CA1: variants seen among roughly 807,000 people sequenced by gnomAD.
CA1 encodes the protein carbonate dehydratase I.
CA1 carries 27 observed loss-of-function variants against 28.8 expected under a neutral mutation model. The ratio of observed to expected loss-of-function variants is 0.94; its 90% CI spans 0.69 to 1.29. The LOEUF is 1.29. Among genes scored for constraint, CA1 ranks in the 50% most tolerant of loss-of-function variants. CA1 has a pLI of 0.00. For synonymous variants in CA1, 121 were observed against 108.8 expected (o/e 1.11, Z -0.70); for missense variants, 335 against 310.5 (o/e 1.08, Z -0.59).
intron 1 of CA1, among the ~76,000 whole-genome samples, chr8:85,371,833 C>A (rs753207904): frequency 6.6e-6 from 1 of 152,128 alleles, no homozygotes; most frequent in Non-Finnish European, 1.5e-5. Context: ...CACTGAGGAA[C>A]TTTTGAACTT....
intron 1 of CA1, among the ~76,000 whole-genome samples, chr8:85,358,415 T>A (rs1809679842): frequency 6.6e-6 from 1 of 152,180 alleles, no homozygotes; most frequent in Non-Finnish European, 1.5e-5. Context: ...TCTTTTCTAG[T>A]TTTGCATGTA....
rs575578677 is a variant in CA1, at chr8:85,375,673, G to A, written c.-25+2373C>T. Among the ~76,000 whole-genome samples, 10 of 152,318 alleles carry A rather than the reference G, an allele frequency of 6.6e-5. No individual in the cohort carries two copies. The East Asian group carries it at 1.9e-3, about 29-fold the overall frequency. ...AGAGGAATAAAATCCAGAGCACGGAGAAAGTTCAGATAAGATGGATGAACC... is the reference window on the plus strand; with the variant it reads ...AGAGGAATAAAATCCAGAGCACGGAAAAAGTTCAGATAAGATGGATGAACC... On this transcript the variant is annotated intron_variant, in intron 1 of 7. Coordinates refer to ENST00000523022, the MANE Select transcript of CA1 (RefSeq NM_001128831.4).
chr8:85,341,526 ATACT>A, intron 2 of CA1, 69 bp downstream of exon 2: 8 of 908,516 alleles, frequency 8.8e-6, no homozygotes, highest in Non-Finnish European at 9.3e-6. Flanking sequence ...ATTATTTTAA[ATACT>A]TAATATCTTT....
intron 2 of CA1, 104 bp downstream of exon 2, chr8:85,341,495 C>A: frequency 2.6e-6 from 2 of 781,736 alleles, no homozygotes; most frequent in Non-Finnish European, 4.6e-6. Context: ...GACAGTTCAA[C>A]AATTAACCTA....
intron 1 of CA1, among the ~76,000 whole-genome samples, chr8:85,357,675 G>T (rs1005415435): frequency 1.2e-4 from 19 of 152,254 alleles, no homozygotes; most frequent in African/African-American, 4.6e-4. Flanking sequence ...AGGCCCCAAA[G>T]CTTTGTCTCT....
chr8:85,329,904 A>G (rs1808332862), intron 6 of CA1, 60 bp from the exon 7 acceptor site: 1 of 1,225,552 alleles, frequency 8.2e-7, no homozygotes, highest in Non-Finnish European at 1.2e-6. Context: ...AATATATGTG[A>G]CATATATATG....
chr8:85,350,012 C>T (rs1809345383), intron 1 of CA1: 1 of 152,168 alleles, frequency 6.6e-6, no homozygotes, highest in South Asian at 2.1e-4. Context: ...CTTCCTGATC[C>T]TGTTTCCTTT....
chr8:85,353,518 G>A (rs1045174860), intron 1 of CA1, among the ~76,000 whole-genome samples: 3 of 152,074 alleles, frequency 2.0e-5, no homozygotes, highest in Non-Finnish European at 4.4e-5. Flanking sequence ...AATACATACT[G>A]TATACGCTTT....
intron 1 of CA1, among the ~76,000 whole-genome samples, chr8:85,372,662 C>T (rs1276925964): frequency 1.3e-5 from 2 of 152,176 alleles, no homozygotes; most frequent in East Asian, 3.9e-4. Context: ...TCCTCTGTTT[C>T]AGTTATGTAT....
rs533792830 is a variant in CA1 at position 85,367,592 on chromosome 8, C to T, written c.-25+10454G>A. On this transcript the variant is annotated intron_variant, in intron 1 of 7. Transcript: ENST00000523022. ...TGCATCAGAGGGCTTTGTTAAAATA[C>T]AGATTGCCCAGCCTCACCTTCAGAG... Among the ~76,000 whole-genome samples, 5 of 152,340 alleles carry T rather than the reference C, an allele frequency of 3.3e-5. No homozygotes were observed. The East Asian group carries it at 9.6e-4, about 29-fold the overall frequency.
intron 1 of CA1, chr8:85,343,088 A>C (rs1808992854): frequency 6.6e-6 from 1 of 152,130 alleles, no homozygotes; most frequent in African/African-American, 2.4e-5. Context: ...CTGTGCTAAA[A>C]ACTTTACGTA....
intron 1 of CA1, among the ~76,000 whole-genome samples, chr8:85,350,709 G>A (rs764259804): frequency 2.6e-5 from 4 of 152,106 alleles, no homozygotes; most frequent in Admixed American, 6.6e-5. Context: ...CCCCAGGTTC[G>A]AGTCAATAAC....
intron 1 of CA1, among the ~76,000 whole-genome samples, chr8:85,347,335 A>G (rs149621837): frequency 6.6e-6 from 1 of 152,310 alleles, no homozygotes; most frequent in East Asian, 1.9e-4. Flanking sequence ...TAGATGATCA[A>G]CAAATAAGCT....
intron 1 of CA1, chr8:85,349,728 A>G (rs1809334052): frequency 6.6e-6 from 1 of 152,156 alleles, no homozygotes. Flanking sequence ...ATTTCTGTGG[A>G]GAGACCAAGC....
At position 85,339,027 on chromosome 8, in the gene CA1, T is replaced by C. The variant is rs144905414; in HGVS notation, c.38-578A>G. Among the ~76,000 whole-genome samples, 162 of 152,244 alleles carry C rather than the reference T, an allele frequency of 1.1e-3. 4 individuals are homozygous for C. The East Asian group carries it at 0.03, about 28-fold the overall frequency. ...CACTGCACCCGGCCCCTTTTCTATA[T>C]TGTACTATAAAATAGTGTATTTGTC... On this transcript the variant is annotated intron_variant, in intron 2 of 7. Transcript: ENST00000523022.
intron 1 of CA1, among the ~76,000 whole-genome samples, chr8:85,374,731 C>T (rs1430378141): frequency 3.9e-5 from 6 of 152,150 alleles, no homozygotes; most frequent in Non-Finnish European, 8.8e-5. Flanking sequence ...AATTTCTGAA[C>T]CTGGGAGCCA....
intron 1 of CA1, among the ~76,000 whole-genome samples, chr8:85,347,930 A>G (rs1399307982): frequency 1.3e-5 from 2 of 152,188 alleles, no homozygotes; most frequent in Non-Finnish European, 2.9e-5. Flanking sequence ...TATGAACAAA[A>G]GTTATTTATA....
intron 4 of CA1, among the ~76,000 whole-genome samples, chr8:85,334,006 A>T (rs2130150312): frequency 6.6e-6 from 1 of 152,312 alleles, no homozygotes; most frequent in East Asian, 1.9e-4. Flanking sequence ...GGGTTCCTGG[A>T]GTTCCTGGGA....
intron 1 of CA1, among the ~76,000 whole-genome samples, chr8:85,359,535 C>G (rs1013927061): frequency 6.6e-6 from 1 of 152,118 alleles, no homozygotes; most frequent in Non-Finnish European, 1.5e-5. Flanking sequence ...ATATCAGGAC[C>G]CTTCTTGTAT....
Sources: gnomAD v4.1 joint callset for allele counts (sites outside exome capture counted in the v4.1 genomes callset) on GRCh38, gnomAD v4.1.1 for gene constraint, MANE v1.5 for transcripts, NCBI Gene and HGNC (gene_info 2026-07-23, HGNC 2026-07-21) for gene names.